The following SLIT1 variants were observed in gnomAD, a reference collection of about 807,000 sequenced individuals.
SLIT1 encodes slit guidance ligand 1.
SLIT1 carries 66 observed loss-of-function variants against 186.1 expected under a neutral mutation model. The observed-to-expected ratio is 0.35, with a 90% CI of 0.29 to 0.44. The LOEUF (loss-of-function observed/expected upper bound fraction) is 0.44, where lower values mean the gene tolerates loss of function less well. SLIT1 is among the 20% of genes least tolerant of loss of function. The pLI is 1.00. For synonymous variants in SLIT1, 761 were observed against 833.8 expected, an observed-to-expected ratio of 0.91 and a Z score of 1.50; for missense variants, 1,638 against 2,037.4, an observed-to-expected ratio of 0.80 and a Z score of 3.77.
intron 1 of SLIT1, among the ~76,000 whole-genome samples, chr10:97,182,948 AGATCCT>A (rs1386836162): frequency 2.0e-5 from 3 of 151,568 alleles, no homozygotes; most frequent in African/African-American, 2.4e-5. Flanking sequence ...CAATATAGCC[AGATCCT>A]CATCTCTACA....
chr10:97,129,383 CAAAA>C (rs57535501), intron 4 of SLIT1, among the ~76,000 whole-genome samples: 19 of 137,468 alleles, frequency 1.4e-4, no homozygotes, highest in Non-Finnish European at 1.2e-4. Context: ...GACTGTGTCT[CAAAA>C]AAAAAAAAAA....
At chr10:97,088,199 A>G (rs2134660979) in intron 4 of SLIT1, among the ~76,000 whole-genome samples, 1 of 152,278 alleles carries the variant, frequency 6.6e-6, no homozygotes, top group East Asian at 1.9e-4. Context: ...CAGGGCAGCC[A>G]GGGTTGAGAG....
At chr10:97,035,306 C>G (rs1275376860) in intron 22 of SLIT1, among the ~76,000 whole-genome samples, 1 of 152,136 alleles carries the variant, frequency 6.6e-6, no homozygotes, top group Non-Finnish European at 1.5e-5. Flanking sequence ...GGGGACGCCC[C>G]TGTGCTGACA....
intron 23 of SLIT1, 30 bp from the exon 24 acceptor site, chr10:97,031,707 C>A (rs961685432): frequency 1.2e-5 from 18 of 1,528,918 alleles, no homozygotes; most frequent in African/African-American, 2.8e-5. Flanking sequence ...AGGAAGGGCA[C>A]TGTGTTAGTG....
At chr10:97,003,508 C>G (rs1440410981) in intron 34 of SLIT1, among the ~76,000 whole-genome samples, 1 of 152,234 alleles carries the variant, frequency 6.6e-6, no homozygotes, top group Non-Finnish European at 1.5e-5. Flanking sequence ...GGCTGAGGCC[C>G]AGGGCCATCC....
At position 97,043,401 on chromosome 10, in the gene SLIT1, C is replaced by T. The variant is rs770896658; in HGVS notation, c.1966G>A (p.Ala656Thr). The T allele has an allele frequency of 6.2e-7, 1 of 1,613,868 alleles. No individual in the cohort carries two copies. Among genetic ancestry groups the T allele is most frequent in the Non-Finnish European group, 8.5e-7 (1 of 1,180,010 alleles). Residue 656 changes from alanine (A) to threonine (T), a missense_variant, in exon 19 of 37, where the codon GCC (alanine) becomes ACC (threonine). Ala to Thr is a moderately conservative substitution (Grantham distance 58, BLOSUM62 0). This residue lies in a region of SLIT1 where 1,245 missense variants were observed against 1,535.3 expected (regional missense o/e 0.81). Transcript: ENST00000266058. This position sits in a 1 kb window ranked among gnomAD's most constrained non-coding sequence, Gnocchi z 7.0. ...GAGAGGGACTGGAGGGTGTCGAAGG[C>T]TCCTGGGGATACGGTGGTGATCTGG... ...DNQITTVSPG[A>T]FDTLQSLSTL...
Position 97,043,971 on chromosome 10 carries a change from C to T in SLIT1, c.1854-458G>A, listed in dbSNP as rs193113089. Among the ~76,000 whole-genome samples, 20 of 152,338 alleles carry T rather than the reference C, an allele frequency of 1.3e-4. No individual in the cohort carries two copies. In the East Asian group the frequency reaches 2.9e-3, roughly 22 times the overall value. ...TGACCTGAGACCATGTCTACCCAGA[C>T]CCGGACCATCTCAGCCCTGGCACCT... On this transcript the variant is annotated intron_variant, in intron 18 of 36. Coordinates refer to ENST00000266058, the MANE Select transcript of SLIT1 (RefSeq NM_003061.3). The surrounding 1 kb of genome is among the most constrained non-coding windows in gnomAD (Gnocchi z 7.0).
intron 13 of SLIT1, among the ~76,000 whole-genome samples, chr10:97,050,847 C>T (rs751740460): frequency 1.7e-4 from 26 of 152,166 alleles, no homozygotes; most frequent in Non-Finnish European, 3.5e-4. Context: ...ACAGGCTGTG[C>T]CAGAAACAAC....
At chr10:97,126,493 C>G (rs1375155948) in intron 4 of SLIT1, among the ~76,000 whole-genome samples, 1 of 152,188 alleles carries the variant, frequency 6.6e-6, no homozygotes, top group Non-Finnish European at 1.5e-5. Context: ...TCATCACCAC[C>G]TTGCTTCCCA....
chr10:97,084,048 A>C (rs544236678), intron 4 of SLIT1, among the ~76,000 whole-genome samples: 181 of 152,292 alleles, frequency 1.2e-3, no homozygotes, highest in African/African-American at 4.3e-3. Flanking sequence ...CCAGCTCTGC[A>C]AAACCTGAAC....
At chr10:97,125,404 T>C (rs1396889363) in intron 4 of SLIT1, among the ~76,000 whole-genome samples, 2 of 151,990 alleles carry the variant, frequency 1.3e-5, no homozygotes, top group Non-Finnish European at 2.9e-5. Flanking sequence ...GGCCTGGTGG[T>C]GCACGCCTGT....
intron 4 of SLIT1, among the ~76,000 whole-genome samples, chr10:97,118,864 C>T (rs1849532622): frequency 6.6e-6 from 1 of 152,162 alleles, no homozygotes; most frequent in African/African-American, 2.4e-5. Flanking sequence ...TTAGCCATGA[C>T]GACTGGGATA....
At chr10:97,052,930 G>A (rs1195475325) in intron 13 of SLIT1, among the ~76,000 whole-genome samples, 2 of 152,114 alleles carry the variant, frequency 1.3e-5, no homozygotes, top group Non-Finnish European at 1.5e-5. Flanking sequence ...AAAGTTCAGT[G>A]TTGCTTTACA....
intron 2 of SLIT1, among the ~76,000 whole-genome samples, chr10:97,164,607 C>A (rs184964286): frequency 1.1e-4 from 17 of 152,290 alleles, no homozygotes; most frequent in Admixed American, 3.9e-4. Flanking sequence ...CCCTGCACTA[C>A]CCTGAGAGCA....
intron 4 of SLIT1, among the ~76,000 whole-genome samples, chr10:97,066,677 C>T (rs1848949763): frequency 6.6e-6 from 1 of 152,180 alleles, no homozygotes; most frequent in Non-Finnish European, 1.5e-5. Context: ...TCCCTGAGGC[C>T]TCCCCAGAAG....
chr10:97,118,095 G>A lies in SLIT1; in HGVS notation c.413+39723C>T, dbSNP rs1028990404. On this transcript the variant is annotated intron_variant, in intron 4 of 36. Coordinates refer to ENST00000266058, the MANE Select transcript of SLIT1 (RefSeq NM_003061.3). ...AGATTCTACTTTATTAAATTGAGAC[G>A]TTCTGAGGTGTCTGGCCCCATCACA... Among the ~76,000 whole-genome samples, 7 of 110,940 alleles carry A rather than the reference G, an allele frequency of 6.3e-5. No homozygotes were observed. In the South Asian group the frequency reaches 9.9e-4, roughly 16 times the overall value. The allele number at this position is 110,940 out of a possible 152,430, so 72.8% of individuals were successfully genotyped here. A position where few individuals can be genotyped will look rare whatever the true frequency, so the allele number is the denominator to read the frequency against.
At chr10:97,125,583 A>T (rs2134690709) in intron 4 of SLIT1, among the ~76,000 whole-genome samples, 1 of 151,314 alleles carries the variant, frequency 6.6e-6, no homozygotes, top group East Asian at 1.9e-4. Context: ...TCATGCCTGT[A>T]ATCCCAGCAC....
chr10:97,139,963 G>C (rs530583130), intron 4 of SLIT1, among the ~76,000 whole-genome samples: 1 of 152,292 alleles, frequency 6.6e-6, no homozygotes, highest in African/African-American at 2.4e-5. Context: ...AGCAGCAACA[G>C]AAGCCTCTGC....
At chr10:97,050,721 A>C (rs1848779247) in intron 13 of SLIT1, among the ~76,000 whole-genome samples, 1 of 152,312 alleles carries the variant, frequency 6.6e-6, no homozygotes, top group East Asian at 1.9e-4. Context: ...TGCCTGAACC[A>C]ATTGCTTCCC....
Sources: gnomAD v4.1 joint callset for allele counts (sites outside exome capture counted in the v4.1 genomes callset) on GRCh38, gnomAD v4.1.1 for gene constraint, gnomAD v4.1.1 regional missense constraint, Gnocchi (gnomAD v3.1) non-coding constraint, MANE v1.5 for transcripts, NCBI Gene and HGNC (gene_info 2026-07-23, HGNC 2026-07-21) for gene names.